Variants in GRIK1 observed in about 807,000 individuals in gnomAD.
GRIK1 encodes the protein glutamate receptor ionotropic, kainate 1.
GRIK1 carries 69 observed loss-of-function variants against 105.7 expected under a neutral mutation model. That is an observed-to-expected ratio of 0.65 (90% CI 0.54 to 0.80). The LOEUF (loss-of-function observed/expected upper bound fraction) is 0.80, where lower values mean the gene tolerates loss of function less well. Among genes scored for constraint, GRIK1 ranks in the 30% least tolerant of loss-of-function variants. The pLI is 0.00. For missense variants in GRIK1, 1,109 were observed against 1,167.3 expected (o/e 0.95, Z 0.73); for synonymous variants, 438 against 431.3 (o/e 1.02, Z -0.19).
chr21:29,673,133 A>G lies in GRIK1; in HGVS notation c.576T>C (p.Ala192=). The G allele has an allele frequency of 6.2e-7, 1 of 1,611,920 alleles. No individual in the cohort carries two copies. The change falls in exon 4 of 18, where the codon GCT becomes GCC. Residue 192 remains alanine, a synonymous_variant. Coordinates refer to ENST00000327783, the MANE Select transcript of GRIK1 (RefSeq NM_001330994.2). ...TGATTTTAATATTATATCTGGAGGGAGCTTTGATGAGCTCTTGTAGACGAA... is the reference window on the plus strand; with the variant it reads ...TGATTTTAATATTATATCTGGAGGGGGCTTTGATGAGCTCTTGTAGACGAA... The part of the protein sequence containing the change: ...GLIRLQELIK[A]PSRYNIKIKI...
intron 7 of GRIK1, among the ~76,000 whole-genome samples, chr21:29,639,813 G>C (rs1342978503): frequency 6.6e-6 from 1 of 152,068 alleles, no homozygotes; most frequent in Non-Finnish European, 1.5e-5. Flanking sequence ...TTGTTGAGTG[G>C]GAATGTATAA....
intron 1 of GRIK1, among the ~76,000 whole-genome samples, chr21:29,782,253 A>T (rs1343942790): frequency 6.6e-6 from 1 of 150,960 alleles, no homozygotes; most frequent in Non-Finnish European, 1.5e-5. Context: ...AGCCTGGCTA[A>T]TTTTTTGTAT....
intron 1 of GRIK1, among the ~76,000 whole-genome samples, chr21:29,735,625 G>A (rs553518535): frequency 1.3e-5 from 2 of 152,086 alleles, no homozygotes; most frequent in Non-Finnish European, 2.9e-5. Context: ...GGCTGGGCAC[G>A]GTTGCTCAGG....
intron 1 of GRIK1, among the ~76,000 whole-genome samples, chr21:29,872,703 T>C (rs985967986): frequency 9.9e-5 from 15 of 152,192 alleles, no homozygotes; most frequent in African/African-American, 1.7e-4. Context: ...CACGGTCTTA[T>C]ATGGTGGCAG....
intron 2 of GRIK1, among the ~76,000 whole-genome samples, chr21:29,693,378 A>T (rs750084679): frequency 8.5e-5 from 13 of 152,218 alleles, no homozygotes; most frequent in South Asian, 2.1e-4. Flanking sequence ...AGAGGATCGG[A>T]TGTAGACATT....
At chr21:29,787,960 A>G (rs2066304448) in intron 1 of GRIK1, among the ~76,000 whole-genome samples, 1 of 152,212 alleles carries the variant, frequency 6.6e-6, no homozygotes. Flanking sequence ...GGCACGGTCG[A>G]AGAATCTTTG....
chr21:29,614,947 T>C (rs965652324), intron 7 of GRIK1, among the ~76,000 whole-genome samples: 2 of 151,524 alleles, frequency 1.3e-5, no homozygotes, highest in African/African-American at 4.9e-5. Context: ...AAAGCGAGCA[T>C]CACAAAGGCA....
At chr21:29,747,897 T>C (rs758990555) in intron 1 of GRIK1, among the ~76,000 whole-genome samples, 2 of 152,206 alleles carry the variant, frequency 1.3e-5, no homozygotes, top group Middle Eastern at 3.2e-3. Context: ...TGAAGAAATA[T>C]TCTGTGATTT....
In GRIK1 at chr21:29,703,605, A is replaced by G. The variant is rs541037223; in HGVS notation, c.119-9542T>C. Among the ~76,000 whole-genome samples, 8 of 152,258 alleles carry G rather than the reference A, an allele frequency of 5.3e-5. No homozygotes were observed. The East Asian group carries it at 5.8e-4, about 11-fold the overall frequency. On this transcript the variant is annotated intron_variant, in intron 1 of 17. Transcript: ENST00000327783. ...CACTCAGCTTTCGTATTTTTGTTTT[A>G]TCTTTGGAGCTCAAAACATTCTTGG...
intron 1 of GRIK1, among the ~76,000 whole-genome samples, chr21:29,730,004 T>C (rs1009271123): frequency 2.0e-5 from 3 of 152,210 alleles, no homozygotes; most frequent in Non-Finnish European, 4.4e-5. Context: ...GACACTATTA[T>C]AGCAAACATG....
At chr21:29,889,508 T>C (rs1230616279) in intron 1 of GRIK1, among the ~76,000 whole-genome samples, 3 of 152,016 alleles carry the variant, frequency 2.0e-5, no homozygotes, top group Admixed American at 6.6e-5. Context: ...CTTTTTTTTT[T>C]CTCCTCCACC....
At chr21:29,760,185 T>C (rs1281259803) in intron 1 of GRIK1, 1 of 152,260 alleles carries the variant, frequency 6.6e-6, no homozygotes, top group Admixed American at 6.5e-5. Flanking sequence ...ATTCTAAGCA[T>C]ATACAGTGTT....
chr21:29,725,565 A>G (rs1364117021), intron 1 of GRIK1, among the ~76,000 whole-genome samples: 1 of 152,212 alleles, frequency 6.6e-6, no homozygotes, highest in Non-Finnish European at 1.5e-5. Context: ...CATGGTAGAA[A>G]ATCCAAGAGA....
At chr21:29,885,166 A>G (rs1350134677) in intron 1 of GRIK1, among the ~76,000 whole-genome samples, 1 of 152,080 alleles carries the variant, frequency 6.6e-6, no homozygotes, top group Non-Finnish European at 1.5e-5. Context: ...TAATGATCAA[A>G]TCAGGGTATT....
At chr21:29,680,353 A>G (rs2063347186) in intron 3 of GRIK1, among the ~76,000 whole-genome samples, 2 of 152,228 alleles carry the variant, frequency 1.3e-5, no homozygotes, top group African/African-American at 4.8e-5. Context: ...CCTCTCAGAT[A>G]TTATGCCAGC....
At chr21:29,659,013 G>T (rs183424063) in intron 4 of GRIK1, among the ~76,000 whole-genome samples, 1 of 152,302 alleles carries the variant, frequency 6.6e-6, no homozygotes, top group African/African-American at 2.4e-5. Context: ...TTGCTAGGAG[G>T]TTTAGGGTCA....
At chr21:29,936,171 C>A (rs1005412567) in intron 1 of GRIK1, among the ~76,000 whole-genome samples, 8 of 152,158 alleles carry the variant, frequency 5.3e-5, no homozygotes, top group African/African-American at 1.9e-4. Context: ...CCAAAACATG[C>A]TTCGGAAAGC....
intron 1 of GRIK1, among the ~76,000 whole-genome samples, chr21:29,836,413 A>G (rs1601816826): frequency 6.6e-6 from 1 of 152,186 alleles, no homozygotes; most frequent in Admixed American, 6.6e-5. Context: ...GGTTATTTTT[A>G]TGCAGTATAG....
chr21:29,784,103 T>C (rs1012095436), intron 1 of GRIK1, among the ~76,000 whole-genome samples: 1 of 152,180 alleles, frequency 6.6e-6, no homozygotes, highest in African/African-American at 2.4e-5. Flanking sequence ...AATAGTATAT[T>C]ATAGGGATTG....
Sources: allele counts gnomAD v4.1 joint callset (sites outside exome capture counted in the v4.1 genomes callset), GRCh38; gene constraint gnomAD v4.1.1; transcripts MANE v1.5; gene names NCBI Gene and HGNC (gene_info 2026-07-23, HGNC 2026-07-21).